Variants in GRK2 observed in about 807,000 individuals in gnomAD.
GRK2 encodes G protein-coupled receptor kinase 2, also known as adrenergic beta receptor kinase 1.
A neutral mutation model predicts 97.8 loss-of-function variants in GRK2; 23 were observed. The ratio of observed to expected loss-of-function variants is 0.24; its 90% CI spans 0.17 to 0.33. The LOEUF (loss-of-function observed/expected upper bound fraction) is 0.33. Ranked by LOEUF, GRK2 falls within the 10% of genes least tolerant of loss-of-function variation. GRK2 has a pLI of 1.00. For missense variants in GRK2, 633 were observed against 956.9 expected (o/e 0.66, Z 4.47); for synonymous variants, 425 against 381.7 (o/e 1.11, Z -1.32).
At chr11:67,270,095 C>G (rs759054374) in intron 1 of GRK2, among the ~76,000 whole-genome samples, 51 of 152,220 alleles carry the variant, frequency 3.4e-4, no homozygotes, top group Admixed American at 1.3e-4. Flanking sequence ...GTTTCCACCT[C>G]TGTAAAACGA....
chr11:67,282,419 C>T lies in GRK2; in HGVS notation c.1053-16C>T, dbSNP rs368903681. 253 of 1,612,944 alleles carry T rather than the reference C, an allele frequency of 1.6e-4. No homozygotes were observed. The highest frequency in any genetic ancestry group is 2.1e-4 in the Non-Finnish European group (247 of 1,179,536). ...ACCCCTTGCCACTCCCGCTTATGGCCCCCTTGCTCCCACAGGGGCACCCAC... is the reference window on the plus strand; with the variant it reads ...ACCCCTTGCCACTCCCGCTTATGGCTCCCTTGCTCCCACAGGGGCACCCAC... On this transcript the variant is annotated splice_polypyrimidine_tract_variant and intron_variant, in intron 12 of 20. Coordinates refer to ENST00000308595, the MANE Select transcript of GRK2 (RefSeq NM_001619.5). The surrounding 1 kb of genome is among the most constrained non-coding windows in gnomAD (Gnocchi z 6.9).
chr11:67,281,330 C>T lies in GRK2; in HGVS notation c.648-129C>T. Reference sequence around the variant, plus strand: ...TTACCCCCGCAGGCTCCTCTGGCCCCAGCCCTCCCTGTCTCTGATTTGTGT... The same window carrying T: ...TTACCCCCGCAGGCTCCTCTGGCCCTAGCCCTCCCTGTCTCTGATTTGTGT... On this transcript the variant is annotated intron_variant, in intron 8 of 20. Coordinates refer to ENST00000308595, the MANE Select transcript of GRK2 (RefSeq NM_001619.5). This position sits in a 1 kb window ranked among gnomAD's most constrained non-coding sequence, Gnocchi z 5.7. 2 of 1,101,118 alleles carry T rather than the reference C, an allele frequency of 1.8e-6. No individual in the cohort carries two copies. Among genetic ancestry groups the T allele is most frequent in the Non-Finnish European group, 2.7e-6 (2 of 747,162 alleles). The allele number at this position is 1,101,118 out of a possible 1,614,324, so 68.2% of individuals were successfully genotyped here.
In GRK2 at chr11:67,286,512, G is replaced by C; in HGVS notation, c.*1062G>C. On this transcript the variant is annotated 3_prime_UTR_variant, in exon 21 of 21. Coordinates refer to ENST00000308595, the MANE Select transcript of GRK2 (RefSeq NM_001619.5). ...GCCGATTTTTGAATGTGATTTTAAA[G>C]AGTGAAAAATGAGACTATGCGTTTT... 1 of 700,824 alleles carries C rather than the reference G, an allele frequency of 1.4e-6. No individual in the cohort carries two copies. The allele number at this position is 700,824 out of a possible 1,614,324, so 43.4% of individuals were successfully genotyped here.
At chr11:67,266,906 G>T (rs1859814066) in intron 1 of GRK2, 94 bp downstream of exon 1, 1 of 485,368 alleles carries the variant, frequency 2.1e-6, no homozygotes, top group African/African-American at 2.0e-5. Flanking sequence ...CCGCGACCTG[G>T]ACCCCCGGGG....
chr11:67,286,103 G>T lies in GRK2; in HGVS notation c.*653G>T. Reference sequence around the variant, plus strand: ...GCTACCCTCCCTGCTGTCCCCTCTTGCCCCAACCCCCAGCACCCGGGCTCA... The same window carrying T: ...GCTACCCTCCCTGCTGTCCCCTCTTTCCCCAACCCCCAGCACCCGGGCTCA... On this transcript the variant is annotated 3_prime_UTR_variant, in exon 21 of 21. Coordinates refer to ENST00000308595, the MANE Select transcript of GRK2 (RefSeq NM_001619.5). 2.4e-6 allele frequency: 1 copy of T among 413,528 alleles called. No homozygotes were observed. The highest frequency in any genetic ancestry group is 4.9e-5 in the East Asian group (1 of 20,338). The allele number at this position is 413,528 out of a possible 1,614,324, so 25.6% of individuals were successfully genotyped here. A position where few individuals can be genotyped will look rare whatever the true frequency, so the allele number is the denominator to read the frequency against.
At position 67,282,430 on chromosome 11, in the gene GRK2, C is replaced by T. The variant is rs1860175564; in HGVS notation, c.1053-5C>T. The T allele has an allele frequency of 6.2e-7, 1 of 1,613,424 alleles. No homozygotes were observed. Among genetic ancestry groups the T allele is most frequent in the Non-Finnish European group, 8.5e-7 (1 of 1,179,796 alleles). On this transcript the variant is annotated splice_polypyrimidine_tract_variant and splice_region_variant and intron_variant, in intron 12 of 20. Coordinates refer to ENST00000308595, the MANE Select transcript of GRK2 (RefSeq NM_001619.5). The surrounding 1 kb of genome is among the most constrained non-coding windows in gnomAD (Gnocchi z 6.9). ...CTCCCGCTTATGGCCCCCTTGCTCC[C>T]ACAGGGGCACCCACGGGTACATGGC...
chr11:67,272,351 CCTCGGAG>C (rs1392840784), intron 1 of GRK2, among the ~76,000 whole-genome samples: 20 of 152,260 alleles, frequency 1.3e-4, no homozygotes, highest in Admixed American at 1.0e-3. Flanking sequence ...TCATTGTGGG[CCTCGGAG>C]CACGTGGCCC....
intron 1 of GRK2, among the ~76,000 whole-genome samples, chr11:67,272,969 G>A (rs533598196): frequency 2.9e-4 from 44 of 152,372 alleles, no homozygotes; most frequent in Admixed American, 1.5e-3. Flanking sequence ...TCGGTGAGCC[G>A]TGGGGCACTG....
At position 67,285,367 on chromosome 11, in the gene GRK2, A is replaced by G; in HGVS notation, c.1987A>G (p.Lys663Glu). Residue 663 changes from lysine (K) to glutamate (E), a missense_variant, in exon 21 of 21, where the codon AAG becomes GAG. Physicochemically the swap from Lys to Glu is moderately conservative, Grantham distance 56. Coordinates refer to ENST00000308595, the MANE Select transcript of GRK2 (RefSeq NM_001619.5). ...EAQQLVQRVP[K>E]MKNKPRSPVV... The stretch of plus-strand genomic sequence containing the variant: ...CCAGCAGCTGGTGCAGCGGGTGCCC[A>G]AGATGAAGAACAAGCCGCGCTCGCC... 1 of 1,610,106 alleles carries G rather than the reference A, an allele frequency of 6.2e-7. No homozygotes were observed. The highest frequency in any genetic ancestry group is 2.2e-5 in the East Asian group (1 of 44,854).
chr11:67,281,750 G>A lies in GRK2; in HGVS notation c.826+22G>A. On this transcript the variant is annotated intron_variant, in intron 10 of 20. Coordinates refer to ENST00000308595, the MANE Select transcript of GRK2 (RefSeq NM_001619.5). This position sits in a 1 kb window ranked among gnomAD's most constrained non-coding sequence, Gnocchi z 5.7. ...AACGGTGAGTGCTGGCCGGGCCCTAGGGTGGGCCGGGCCCAGGCACGGGAG... is the reference window on the plus strand; with the variant it reads ...AACGGTGAGTGCTGGCCGGGCCCTAAGGTGGGCCGGGCCCAGGCACGGGAG... 2 of 1,613,460 alleles carry A rather than the reference G, an allele frequency of 1.2e-6. No individual in the cohort carries two copies. The highest frequency in any genetic ancestry group is 8.5e-7 in the Non-Finnish European group (1 of 1,179,860).
intron 15 of GRK2, 50 bp from the exon 16 acceptor site, chr11:67,283,657 C>T: frequency 1.3e-6 from 2 of 1,591,890 alleles, no homozygotes; most frequent in Non-Finnish European, 1.7e-6. Context: ...AGGAGTTAAG[C>T]CCGGGACTCA....
At chr11:67,283,340 A>G (rs1053800900) in intron 15 of GRK2, 112 bp downstream of exon 15, 4 of 979,294 alleles carry the variant, frequency 4.1e-6, no homozygotes, top group East Asian at 2.4e-5. Context: ...GGAGGAGCTC[A>G]TAAGTTGGGG....
At position 67,281,741 on chromosome 11, in the gene GRK2, C is replaced by A; in HGVS notation, c.826+13C>A. On this transcript the variant is annotated intron_variant, in intron 10 of 20. Coordinates refer to ENST00000308595, the MANE Select transcript of GRK2 (RefSeq NM_001619.5). The surrounding 1 kb of genome is among the most constrained non-coding windows in gnomAD (Gnocchi z 5.7). ...GACCTCATGAACGGTGAGTGCTGGC[C>A]GGGCCCTAGGGTGGGCCGGGCCCAG... 6.2e-7 allele frequency: 1 copy of A among 1,613,196 alleles called. No homozygotes were observed. The highest frequency in any genetic ancestry group is 1.1e-5 in the South Asian group (1 of 91,044).
Position 67,277,488 on chromosome 11 carries a change from T to C in GRK2, c.190+140T>C, listed in dbSNP as rs1038971548. ...GAGCAGCCAGCGAGACCCCAGGGCT[T>C]GCTCCAAGTCGCTGCGACCCTGCGT... is the stretch of plus-strand genomic sequence containing the variant. On this transcript the variant is annotated intron_variant, in intron 2 of 20. Coordinates refer to ENST00000308595, the MANE Select transcript of GRK2 (RefSeq NM_001619.5). 4.0e-6 allele frequency: 3 copies of C among 745,242 alleles called. No homozygotes were observed. In the African/African-American group the frequency reaches 5.2e-5, roughly 13 times the overall value. The allele number at this position is 745,242 out of a possible 1,614,324, so 46.2% of individuals were successfully genotyped here. A position where few individuals can be genotyped will look rare whatever the true frequency, so the allele number is the denominator to read the frequency against.
At chr11:67,271,788 TC>T (rs1213167140) in intron 1 of GRK2, among the ~76,000 whole-genome samples, 1 of 152,222 alleles carries the variant, frequency 6.6e-6, no homozygotes, top group Non-Finnish European at 1.5e-5. Flanking sequence ...GGCTGGCCTT[TC>T]CTATTTGATC....
Position 67,276,062 on chromosome 11 carries a change from C to T in GRK2, c.114-1210C>T, listed in dbSNP as rs1011721071. Among the ~76,000 whole-genome samples the T allele has an allele frequency of 6.6e-6, 1 of 152,212 alleles. No homozygotes were observed. Among genetic ancestry groups the T allele is most frequent in the Admixed American group, 6.5e-5 (1 of 15,280 alleles). On this transcript the variant is annotated intron_variant, in intron 1 of 20. Transcript: ENST00000308595. This position sits in a 1 kb window ranked among gnomAD's most constrained non-coding sequence, Gnocchi z 4.2. The stretch of plus-strand genomic sequence containing the variant: ...GGCCGGGGTGCAGAAAGGCAGGGGC[C>T]ATGGCAAGCACAGAGAACCTGGACT...
Position 67,286,417 on chromosome 11 carries a change from C to T in GRK2, c.*967C>T, listed in dbSNP as rs895143221. 2 of 700,026 alleles carry T rather than the reference C, an allele frequency of 2.9e-6. No homozygotes were observed. The highest frequency in any genetic ancestry group is 2.0e-5 in the Admixed American group (1 of 49,344). 43.4% of individuals were successfully genotyped at this position (700,026 alleles called of 1,614,324 possible). On this transcript the variant is annotated 3_prime_UTR_variant, in exon 21 of 21. Transcript: ENST00000308595. ...GTCGCGCTGCCTGTGTGGTGTCGCG[C>T]CTTCTCCCCCCCGGGGCTGGGTTGG...
rs1266198478 is a variant in GRK2, at chr11:67,269,010, G to A, written c.113+2198G>A. 2.0e-5 allele frequency among the ~76,000 whole-genome samples: 3 copies of A among 152,188 alleles called. No homozygotes were observed. The highest frequency in any genetic ancestry group is 2.1e-4 in the South Asian group (1 of 4,836). On this transcript the variant is annotated intron_variant, in intron 1 of 20. Coordinates refer to ENST00000308595, the MANE Select transcript of GRK2 (RefSeq NM_001619.5). The surrounding 1 kb of genome is among the most constrained non-coding windows in gnomAD (Gnocchi z 4.1). ...TCAGCAGCATGGCCTTCCGCAAATC[G>A]CCCACATCTGTGAAACGGACTGGAG...
chr11:67,284,909 C>T lies in GRK2; in HGVS notation c.1717C>T (p.Leu573=), dbSNP rs774657575. 4 of 1,613,534 alleles carry T rather than the reference C, an allele frequency of 2.5e-6. No homozygotes were observed. The highest frequency in any genetic ancestry group is 3.4e-6 in the Non-Finnish European group (4 of 1,180,022). The change falls in exon 19 of 21, where the codon CTG becomes TTG. Residue 573 remains leucine, a synonymous_variant. Coordinates refer to ENST00000308595, the MANE Select transcript of GRK2 (RefSeq NM_001619.5). The part of the protein sequence containing the change: ...GYMSKMGNPF[L]TQWQRRYFYL... ...CATGTCCAAGATGGGCAACCCCTTC[C>T]TGACCCAGTGGCAGCGGCGGTACTT...
Sources: gnomAD v4.1 joint callset for allele counts (sites outside exome capture counted in the v4.1 genomes callset) on GRCh38, gnomAD v4.1.1 for gene constraint, Gnocchi (gnomAD v3.1) non-coding constraint, MANE v1.5 for transcripts, NCBI Gene and HGNC (gene_info 2026-07-23, HGNC 2026-07-21) for gene names.